Variants in AOPEP observed in about 807,000 individuals in gnomAD.
AOPEP encodes aminopeptidase O.
In AOPEP, 77 loss-of-function variants were observed where a neutral mutation model predicts 98.1. The ratio of observed to expected loss-of-function variants is 0.78; its 90% CI spans 0.65 to 0.95. The LOEUF is 0.95. AOPEP is among the 40% of genes least tolerant of loss of function. AOPEP has a pLI of 0.00. For missense variants in AOPEP, 1,024 were observed against 1,024.7 expected (o/e 1.00, Z 0.01); for synonymous variants, 346 against 365.3 (o/e 0.95, Z 0.60).
At chr9:95,038,328 A>G (rs1265071068) in intron 13 of AOPEP, among the ~76,000 whole-genome samples, 1 of 152,216 alleles carries the variant, frequency 6.6e-6, no homozygotes, top group Non-Finnish European at 1.5e-5. Flanking sequence ...AGCAGCTGCA[A>G]TTTAGCATGC....
At chr9:94,897,436 TAA>T (rs543651054) in intron 5 of AOPEP, among the ~76,000 whole-genome samples, 1 of 151,642 alleles carries the variant, frequency 6.6e-6, no homozygotes, top group East Asian at 1.9e-4. Context: ...AAATATTAAA[TAA>T]AAAAAAGCAC....
intron 1 of AOPEP, among the ~76,000 whole-genome samples, chr9:94,743,863 C>A (rs1375592241): frequency 6.6e-6 from 1 of 152,158 alleles, no homozygotes; most frequent in Non-Finnish European, 1.5e-5. Flanking sequence ...AGCTGGCATA[C>A]CTGGGAGTTA....
intron 16 of AOPEP, among the ~76,000 whole-genome samples, chr9:95,084,436 C>T (rs1006095781): frequency 5.9e-5 from 9 of 152,354 alleles, no homozygotes; most frequent in African/African-American, 2.2e-4. Context: ...AGACTTGACG[C>T]GGCTCCCCTC....
chr9:95,037,133 G>C (rs2133481994), intron 13 of AOPEP, among the ~76,000 whole-genome samples: 1 of 152,282 alleles, frequency 6.6e-6, no homozygotes, highest in South Asian at 2.1e-4. Context: ...TTTCTAAAAA[G>C]ACCTCACAGC....
chr9:94,809,433 C>T (rs1365352952), intron 5 of AOPEP, among the ~76,000 whole-genome samples: 2 of 152,218 alleles, frequency 1.3e-5, no homozygotes, highest in African/African-American at 4.8e-5. Context: ...TTCAAAAAAA[C>T]CACCTCCTCA....
In AOPEP at chr9:94,863,159, T is replaced by C. The variant is rs182518884; in HGVS notation, c.1365-60827T>C. The stretch of plus-strand genomic sequence containing the variant: ...GCCAGGGTGGAGTGGGAACCGGGGC[T>C]GCTTCTCGCTTCTCTCCTGCTGCTC... On this transcript the variant is annotated intron_variant, in intron 5 of 16. Coordinates refer to ENST00000375315, the MANE Select transcript of AOPEP (RefSeq NM_001193329.3). Among the ~76,000 whole-genome samples the C allele has an allele frequency of 1.1e-4, 17 of 152,224 alleles. No homozygotes were observed. In the East Asian group the frequency reaches 3.3e-3, roughly 29 times the overall value.
At chr9:95,014,511 T>G (rs377594323) in intron 13 of AOPEP, among the ~76,000 whole-genome samples, 6 of 152,090 alleles carry the variant, frequency 3.9e-5, no homozygotes, top group African/African-American at 1.4e-4. Flanking sequence ...AGTACTTCAT[T>G]TTATGAGTGT....
chr9:95,138,006 G>A, the AOPEP span, among the ~76,000 whole-genome samples: 1 of 152,264 alleles, frequency 6.6e-6, no homozygotes, highest in East Asian at 1.9e-4. Context: ...GGCCTAGTGT[G>A]CTCCTGAAAG....
the AOPEP span, among the ~76,000 whole-genome samples, chr9:95,124,708 C>A: frequency 6.6e-6 from 1 of 152,206 alleles, no homozygotes; most frequent in East Asian, 1.9e-4. Context: ...CTATTCATCA[C>A]ATGCCATATA....
At chr9:94,856,597 T>A (rs1252775232) in intron 5 of AOPEP, among the ~76,000 whole-genome samples, 1 of 145,730 alleles carries the variant, frequency 6.9e-6, no homozygotes, top group East Asian at 2.0e-4. Flanking sequence ...GCCGAGATCG[T>A]GCCATTGCAC....
intron 5 of AOPEP, among the ~76,000 whole-genome samples, chr9:94,874,842 C>G (rs1157324601): frequency 6.6e-6 from 1 of 152,166 alleles, no homozygotes; most frequent in Non-Finnish European, 1.5e-5. Flanking sequence ...TTCCAAGATA[C>G]AGAAGGCAGA....
chr9:95,137,849 C>T, the AOPEP span, among the ~76,000 whole-genome samples: 4,977 of 152,264 alleles, frequency 0.033, 280 homozygotes, highest in African/African-American at 0.11. Context: ...TACAAAGGGG[C>T]GAATGAACCC....
chr9:95,064,213 T>C (rs2067626606), intron 14 of AOPEP, among the ~76,000 whole-genome samples: 1 of 152,230 alleles, frequency 6.6e-6, no homozygotes, highest in Non-Finnish European at 1.5e-5. Flanking sequence ...ACGACCAGCG[T>C]CACAGGCCTG....
intron 16 of AOPEP, chr9:95,085,320 C>G (rs778576848): frequency 1.2e-5 from 6 of 481,814 alleles, no homozygotes; most frequent in Non-Finnish European, 2.6e-5. Flanking sequence ...CTCCAGAAAC[C>G]GTGGTCGCGC....
chr9:95,097,722 A>G, the AOPEP span, among the ~76,000 whole-genome samples: 2 of 152,332 alleles, frequency 1.3e-5, no homozygotes, highest in South Asian at 2.1e-4. Context: ...ACACCATGAC[A>G]GGAGCGGGAG....
At chr9:95,124,009 T>C in the AOPEP span, 1 of 320,414 alleles carries the variant, frequency 3.1e-6, no homozygotes, top group Non-Finnish European at 6.0e-6. Flanking sequence ...GGGGCTGAAG[T>C]GTGAGGATCA....
At chr9:95,009,625 A>T (rs1352725620) in intron 13 of AOPEP, among the ~76,000 whole-genome samples, 2 of 152,198 alleles carry the variant, frequency 1.3e-5, no homozygotes, top group Non-Finnish European at 2.9e-5. Context: ...TTTCCAAGCG[A>T]GTGGTCTTGG....
intron 14 of AOPEP, among the ~76,000 whole-genome samples, chr9:95,064,207 C>A (rs2067625193): frequency 1.3e-5 from 2 of 152,240 alleles, no homozygotes; most frequent in Admixed American, 6.5e-5. Context: ...GAAAAAACGA[C>A]CAGCGTCACA....
chr9:95,033,243 A>G (rs1181837634), intron 13 of AOPEP, among the ~76,000 whole-genome samples: 1 of 151,812 alleles, frequency 6.6e-6, no homozygotes, highest in East Asian at 1.9e-4. Context: ...TTTCTCTTGT[A>G]CTTTTGTTCC....
Sources: allele counts gnomAD v4.1 joint callset (sites outside exome capture counted in the v4.1 genomes callset), GRCh38; gene constraint gnomAD v4.1.1; transcripts MANE v1.5; gene names NCBI Gene and HGNC (gene_info 2026-07-23, HGNC 2026-07-21).